The following SRGAP3 variants were observed in gnomAD, a reference collection of about 807,000 sequenced individuals.
The protein encoded by SRGAP3 is SLIT-ROBO Rho GTPase activating protein 3, also known as SLIT-ROBO Rho GTPase-activating protein 3.
A neutral mutation model predicts 121.1 loss-of-function variants in SRGAP3; 39 were observed. The observed-to-expected ratio is 0.32, with a 90% confidence interval of 0.25 to 0.42. The LOEUF is 0.42. Among genes scored for constraint, SRGAP3 ranks in the 10% least tolerant of loss-of-function variants. The probability of loss-of-function intolerance (pLI) is 1.00; values close to 1 mark genes in which losing one functional copy is unlikely to be tolerated. For missense variants in SRGAP3, 1,213 were observed against 1,470.6 expected (o/e 0.82, Z 2.86); for synonymous variants, 601 against 570.0 (o/e 1.05, Z -0.77).
chr3:9,229,534 C>T (rs1324714406), intron 1 of SRGAP3, among the ~76,000 whole-genome samples: 1 of 152,118 alleles, frequency 6.6e-6, no homozygotes, highest in African/African-American at 2.4e-5. Context: ...TGTGTTCAGC[C>T]ACAGCTTTGA....
intron 21 of SRGAP3, among the ~76,000 whole-genome samples, chr3:8,987,849 T>C (rs1941810454): frequency 6.6e-6 from 1 of 152,216 alleles, no homozygotes; most frequent in Non-Finnish European, 1.5e-5. Context: ...AGCCCTGCAG[T>C]GACACAGCCG....
chr3:9,253,804 T>C (rs79482927), upstream of SRGAP3, among the ~76,000 whole-genome samples: 1 of 152,334 alleles, frequency 6.6e-6, no homozygotes, highest in South Asian at 2.1e-4. Context: ...TTTCATATCA[T>C]TTGTCGTATG....
chr3:9,126,053 C>T (rs899361635), intron 1 of SRGAP3, among the ~76,000 whole-genome samples: 8 of 152,168 alleles, frequency 5.3e-5, no homozygotes, highest in African/African-American at 1.7e-4. Context: ...AAGTGGACTT[C>T]AAACTGGGGC....
At chr3:9,302,134 T>G (rs1235839957) in intron 3 of SRGAP3, among the ~76,000 whole-genome samples, 2 of 152,166 alleles carry the variant, frequency 1.3e-5, no homozygotes, top group Non-Finnish European at 2.9e-5. Flanking sequence ...AGGTAAGTAT[T>G]ACTATTCCCA....
intron 5 of SRGAP3, among the ~76,000 whole-genome samples, chr3:9,063,051 A>G (rs1225159809): frequency 6.6e-6 from 1 of 150,580 alleles, no homozygotes; most frequent in Non-Finnish European, 1.5e-5. Context: ...AATTCTAGCT[A>G]TCCCTGTGGG....
intron 4 of SRGAP3, among the ~76,000 whole-genome samples, chr3:9,074,912 T>C (rs1946889423): frequency 6.6e-6 from 1 of 152,198 alleles, no homozygotes; most frequent in South Asian, 2.1e-4. Context: ...ACAAAGTCAC[T>C]GGGCCTCTCC....
intron 1 of SRGAP3, among the ~76,000 whole-genome samples, chr3:9,238,576 G>C (rs1443572695): frequency 6.6e-6 from 1 of 152,082 alleles, no homozygotes; most frequent in Non-Finnish European, 1.5e-5. Flanking sequence ...GTAGGTACAG[G>C]GATCTATAAG....
chr3:9,192,995 G>A (rs1329760918), intron 1 of SRGAP3: 1 of 152,448 alleles, frequency 6.6e-6, no homozygotes, highest in Non-Finnish European at 1.5e-5. Context: ...AACCAGTCCA[G>A]GTAAGAGCTG....
upstream of SRGAP3, among the ~76,000 whole-genome samples, chr3:9,252,510 A>G (rs1272305680): frequency 6.6e-6 from 1 of 152,152 alleles, no homozygotes; most frequent in Non-Finnish European, 1.5e-5. Flanking sequence ...CAGACCTAGG[A>G]CTAGAGCTTG....
At chr3:8,987,247 G>A (rs535760724) in intron 21 of SRGAP3, among the ~76,000 whole-genome samples, 3 of 152,132 alleles carry the variant, frequency 2.0e-5, no homozygotes, top group Non-Finnish European at 2.9e-5. Context: ...GGATGCCTCC[G>A]CATCCGACAG....
At chr3:9,223,080 C>A (rs1952866913) in intron 1 of SRGAP3, among the ~76,000 whole-genome samples, 2 of 152,202 alleles carry the variant, frequency 1.3e-5, no homozygotes, top group Non-Finnish European at 1.5e-5. Flanking sequence ...AAAAGATATA[C>A]CGCAGGATGC....
At position 9,110,857 on chromosome 3, in the gene SRGAP3, G is replaced by GAAGA. The variant is rs112317094; in HGVS notation, c.261-6019_261-6016dup. On this transcript the variant is annotated intron_variant, in intron 2 of 21. Transcript: ENST00000383836. Reference sequence around the variant, plus strand: ...CAGGCAGGCTCTACCACATCTGAAAGAAGAAGGCCCACAGGTGGGACTCAG... The same window carrying GAAGA: ...CAGGCAGGCTCTACCACATCTGAAAGAAGAAAGAAGGCCCACAGGTGGGACTCAG... 1.9e-3 allele frequency among the ~76,000 whole-genome samples: 286 copies of GAAGA among 152,368 alleles called. 1 individual carries two copies. The highest frequency in any genetic ancestry group is 6.5e-3 in the African/African-American group (270 of 41,590).
chr3:9,167,744 C>T (rs1414091353), intron 1 of SRGAP3, among the ~76,000 whole-genome samples: 1 of 152,200 alleles, frequency 6.6e-6, no homozygotes, highest in African/African-American at 2.4e-5. Flanking sequence ...AGGCCATCAA[C>T]TCATCCCACT....
intron 12 of SRGAP3, 51 bp from the exon 13 acceptor site, chr3:9,027,046 GA>G: frequency 1.3e-6 from 2 of 1,551,534 alleles, no homozygotes; most frequent in South Asian, 1.1e-5. Flanking sequence ...ACCACCACAG[GA>G]AAAAGACATT....
chr3:9,010,420 G>A lies in SRGAP3; in HGVS notation c.2148-33C>T, dbSNP rs780895766. Reference sequence around the variant, plus strand: ...GAAACACGGGAATGGGACTCACTGCGGGGGGTTATCTACCCTCACAGCACC... The same window carrying A: ...GAAACACGGGAATGGGACTCACTGCAGGGGGTTATCTACCCTCACAGCACC... On this transcript the variant is annotated intron_variant, in intron 17 of 21. Transcript: ENST00000383836. 116 of 1,606,460 alleles carry A rather than the reference G, an allele frequency of 7.2e-5. 1 individual carries two copies. Among genetic ancestry groups the A allele is most frequent in the Middle Eastern group, 6.6e-4 (4 of 6,056 alleles).
At chr3:9,060,008 G>A (rs1218134089) in intron 6 of SRGAP3, 2 of 635,522 alleles carry the variant, frequency 3.1e-6, no homozygotes, top group Non-Finnish European at 5.4e-6. Context: ...ACTGCACTGG[G>A]GCCACCAGAG....
chr3:9,145,043 T>G (rs1401437000), intron 1 of SRGAP3, among the ~76,000 whole-genome samples: 2 of 152,242 alleles, frequency 1.3e-5, no homozygotes, highest in East Asian at 3.8e-4. Flanking sequence ...CTTTATCTTC[T>G]ACTCTAGCAA....
chr3:9,174,937 A>G (rs1452936107), intron 1 of SRGAP3, among the ~76,000 whole-genome samples: 1 of 152,154 alleles, frequency 6.6e-6, no homozygotes, highest in African/African-American at 2.4e-5. Context: ...CAGCAAAGGA[A>G]GACACCAGGG....
chr3:9,274,221 C>G (rs1195189378), intron 3 of SRGAP3, among the ~76,000 whole-genome samples: 1 of 152,214 alleles, frequency 6.6e-6, no homozygotes, highest in Non-Finnish European at 1.5e-5. Flanking sequence ...TCCAATCCCA[C>G]TAAGTATTTC....
Sources: allele counts gnomAD v4.1 joint callset (sites outside exome capture counted in the v4.1 genomes callset), GRCh38; gene constraint gnomAD v4.1.1; transcripts MANE v1.5; gene names NCBI Gene and HGNC (gene_info 2026-07-23, HGNC 2026-07-21).